SCG5: variants seen among roughly 807,000 people sequenced by gnomAD.
SCG5 encodes the protein neuroendocrine protein 7B2.
A neutral mutation model predicts 25.7 loss-of-function variants in SCG5; 18 were observed. The ratio of observed to expected loss-of-function variants is 0.70; its 90% CI spans 0.48 to 1.04. The LOEUF is 1.04. Ranked by LOEUF, SCG5 falls within the 50% of genes least tolerant of loss-of-function variation. The probability of loss-of-function intolerance (pLI) is 0.00; values close to 1 mark genes in which losing one functional copy is unlikely to be tolerated. For missense variants in SCG5, 206 were observed against 259.8 expected (o/e 0.79, Z 1.42); for synonymous variants, 101 against 91.7 (o/e 1.10, Z -0.58).
At chr15:32,691,832 G>T in intron 5 of SCG5, 69 bp downstream of exon 5, 1 of 1,579,656 alleles carries the variant, frequency 6.3e-7, no homozygotes, top group Non-Finnish European at 8.6e-7. Flanking sequence ...TGAACAGGCT[G>T]AAACCCTCGC....
At chr15:32,657,836 C>T (rs1387463791) in intron 2 of SCG5, among the ~76,000 whole-genome samples, 3 of 152,186 alleles carry the variant, frequency 2.0e-5, no homozygotes, top group Admixed American at 1.3e-4. Flanking sequence ...TTTCAAAACC[C>T]ATAAACATGC....
intron 5 of SCG5, among the ~76,000 whole-genome samples, chr15:32,693,842 G>A (rs2054907479): frequency 6.6e-6 from 1 of 152,194 alleles, no homozygotes; most frequent in African/African-American, 2.4e-5. Flanking sequence ...AGGCATGGTG[G>A]CTCACGCCTG....
chr15:32,646,061 T>C (rs978378543), intron 2 of SCG5, among the ~76,000 whole-genome samples: 2 of 152,054 alleles, frequency 1.3e-5, no homozygotes, highest in Admixed American at 1.3e-4. Flanking sequence ...ATGATCCGCC[T>C]GCCTCGGCCT....
chr15:32,690,806 G>GTT (rs999024978), intron 4 of SCG5, among the ~76,000 whole-genome samples: 1 of 141,962 alleles, frequency 7.0e-6, no homozygotes, highest in African/African-American at 2.6e-5. Flanking sequence ...GGTTGTCTTT[G>GTT]TTTTTTTTTT....
At chr15:32,667,926 C>A (rs577988058) in intron 2 of SCG5, among the ~76,000 whole-genome samples, 1 of 152,166 alleles carries the variant, frequency 6.6e-6, no homozygotes. Context: ...CCACCCGCTT[C>A]GGCCTCCCAA....
At chr15:32,644,378 T>C (rs2053911620) in intron 2 of SCG5, among the ~76,000 whole-genome samples, 1 of 152,246 alleles carries the variant, frequency 6.6e-6, no homozygotes, top group Admixed American at 6.5e-5. Context: ...ATTAAGAGTT[T>C]ACGTGAAAGC....
intron 4 of SCG5, among the ~76,000 whole-genome samples, chr15:32,688,250 A>G (rs763545782): frequency 1.3e-5 from 2 of 152,198 alleles, no homozygotes; most frequent in Non-Finnish European, 2.9e-5. Flanking sequence ...GACCACACCA[A>G]TGGCTGGCTC....
chr15:32,688,043 G>A (rs2054752009), intron 4 of SCG5, among the ~76,000 whole-genome samples: 2 of 152,150 alleles, frequency 1.3e-5, no homozygotes, highest in Admixed American at 6.5e-5. Context: ...ATGCAGGCTT[G>A]GGGAGCTGAG....
intron 2 of SCG5, among the ~76,000 whole-genome samples, chr15:32,674,416 C>T (rs1340053276): frequency 1.3e-5 from 2 of 152,184 alleles, no homozygotes; most frequent in Middle Eastern, 3.4e-3. Context: ...GAAAAAAACC[C>T]TACCAGTGCA....
At chr15:32,676,119 A>G (rs576841880) in intron 2 of SCG5, among the ~76,000 whole-genome samples, 1 of 152,324 alleles carries the variant, frequency 6.6e-6, no homozygotes, top group East Asian at 1.9e-4. Context: ...TTAATTGTCT[A>G]TAAAATTCTA....
At chr15:32,671,699 G>GAAAA (rs36107704) in intron 2 of SCG5, among the ~76,000 whole-genome samples, 57 of 143,744 alleles carry the variant, frequency 4.0e-4, no homozygotes, top group African/African-American at 1.3e-3. Flanking sequence ...CTCAAGTAGT[G>GAAAA]AAAAAAAAAA....
chr15:32,686,212 G>A (rs955878748), intron 4 of SCG5, among the ~76,000 whole-genome samples: 1 of 152,172 alleles, frequency 6.6e-6, no homozygotes, highest in Non-Finnish European at 1.5e-5. Context: ...TAGTAGTAGA[G>A]CTTAAACATG....
intron 2 of SCG5, among the ~76,000 whole-genome samples, chr15:32,649,610 G>A (rs555608927): frequency 6.6e-6 from 1 of 152,280 alleles, no homozygotes; most frequent in East Asian, 1.9e-4. Context: ...ATAGCTTTAA[G>A]TGGTCGCTGG....
At chr15:32,673,563 T>TGTGTGTGTGTGG (rs1555435529) in intron 2 of SCG5, among the ~76,000 whole-genome samples, 5 of 137,380 alleles carry the variant, frequency 3.6e-5, no homozygotes, top group South Asian at 2.4e-4. Flanking sequence ...TGTGTGTGTG[T>TGTGTGTGTGTGG]TGTGCGGGGG....
intron 2 of SCG5, among the ~76,000 whole-genome samples, chr15:32,652,772 C>T (rs949020640): frequency 6.6e-6 from 1 of 152,208 alleles, no homozygotes; most frequent in Non-Finnish European, 1.5e-5. Context: ...TTATACACCT[C>T]ACTGATATGT....
chr15:32,673,824 C>A (rs1418630040), intron 2 of SCG5, among the ~76,000 whole-genome samples: 2 of 151,970 alleles, frequency 1.3e-5, no homozygotes, highest in Non-Finnish European at 2.9e-5. Context: ...ACCTCTACTC[C>A]CCAAGTTCAA....
chr15:32,656,130 G>T (rs1312864135), intron 2 of SCG5: 1 of 152,222 alleles, frequency 6.6e-6, no homozygotes, highest in Non-Finnish European at 1.5e-5. Flanking sequence ...GTGCCTTGCA[G>T]TTGGCAAGCC....
intron 2 of SCG5, among the ~76,000 whole-genome samples, chr15:32,660,571 C>T (rs986421909): frequency 2.0e-4 from 30 of 152,192 alleles, no homozygotes; most frequent in African/African-American, 7.2e-4. Flanking sequence ...GAAAAGGATC[C>T]AACTAACCCA....
At chr15:32,646,343 C>G (rs909524050) in intron 2 of SCG5, among the ~76,000 whole-genome samples, 1 of 152,262 alleles carries the variant, frequency 6.6e-6, no homozygotes, top group South Asian at 2.1e-4. Context: ...CTTCCAAGCT[C>G]GTTAAGGCTG....
Sources: gnomAD v4.1 joint callset for allele counts (sites outside exome capture counted in the v4.1 genomes callset) on GRCh38, gnomAD v4.1.1 for gene constraint, MANE v1.5 for transcripts, NCBI Gene and HGNC (gene_info 2026-07-23, HGNC 2026-07-21) for gene names.